UMODL1: variants seen among roughly 807,000 people sequenced by gnomAD.
UMODL1 encodes uromodulin-like 1.
Under a neutral mutation model 136.3 loss-of-function variants are expected in UMODL1, and 128 were observed. The observed-to-expected ratio is 0.94, with a 90% CI of 0.81 to 1.09. The LOEUF is 1.09. Among genes scored for constraint, UMODL1 ranks in the 50% least tolerant of loss-of-function variants. The probability of loss-of-function intolerance (pLI) is 0.00; values close to 1 mark genes in which losing one functional copy is unlikely to be tolerated. For synonymous variants in UMODL1, 721 were observed against 720.0 expected (o/e 1.00, Z -0.02); for missense variants, 1,766 against 1,725.6 (o/e 1.02, Z -0.41).
chr21:42,076,259 G>C lies in UMODL1; in HGVS notation c.319+12G>C, dbSNP rs2066290376. ...CTACTGTGTCTTGCGTGAGTCCAGGGCTGCTGGGCTGGGGCGGGGCCACCC... is the reference window on the plus strand; with the variant it reads ...CTACTGTGTCTTGCGTGAGTCCAGGCCTGCTGGGCTGGGGCGGGGCCACCC... On this transcript the variant is annotated intron_variant, in intron 2 of 22. Transcript: ENST00000408910. 1 of 1,613,046 alleles carries C rather than the reference G, an allele frequency of 6.2e-7. No individual in the cohort carries two copies. The highest frequency in any genetic ancestry group is 1.7e-5 in the Admixed American group (1 of 60,002).
chr21:42,076,250 G>C lies in UMODL1; in HGVS notation c.319+3G>C, dbSNP rs1195762924. 2.5e-6 allele frequency: 4 copies of C among 1,614,164 alleles called. No homozygotes were observed. The highest frequency in any genetic ancestry group is 3.4e-6 in the Non-Finnish European group (4 of 1,179,998). On this transcript the variant is annotated splice_donor_region_variant and intron_variant, in intron 2 of 22. Transcript: ENST00000408910. Reference sequence around the variant, plus strand: ...GCTCGGCCTCTACTGTGTCTTGCGTGAGTCCAGGGCTGCTGGGCTGGGGCG... The same window carrying C: ...GCTCGGCCTCTACTGTGTCTTGCGTCAGTCCAGGGCTGCTGGGCTGGGGCG...
chr21:42,130,415 CCAT>C, intron 21 of UMODL1, among the ~76,000 whole-genome samples: 1 of 151,896 alleles, frequency 6.6e-6, no homozygotes, highest in Non-Finnish European at 1.5e-5. Context: ...TCTATATGGT[CCAT>C]CATCTTATTT....
intron 21 of UMODL1, among the ~76,000 whole-genome samples, chr21:42,132,424 G>C (rs1269976528): frequency 6.7e-6 from 1 of 148,806 alleles, no homozygotes; most frequent in Admixed American, 6.7e-5. Flanking sequence ...ACATTCATCT[G>C]TCATCCATCC....
chr21:42,087,162 A>G (rs564636908), intron 4 of UMODL1, among the ~76,000 whole-genome samples: 1 of 152,084 alleles, frequency 6.6e-6, no homozygotes, highest in Non-Finnish European at 1.5e-5. Flanking sequence ...TGTAGGTTTC[A>G]TGTCTCCAAC....
intron 1 of UMODL1, among the ~76,000 whole-genome samples, chr21:42,065,881 C>T (rs1051225247): frequency 1.3e-5 from 2 of 152,156 alleles, no homozygotes; most frequent in Non-Finnish European, 2.9e-5. Context: ...AGTCAGGACA[C>T]CAGGCCTGGC....
At chr21:42,140,000 A>AGTCT (rs767412372) in intron 22 of UMODL1, among the ~76,000 whole-genome samples, 25 of 152,304 alleles carry the variant, frequency 1.6e-4, no homozygotes, top group Non-Finnish European at 1.6e-4. Context: ...CGTGTGCTGT[A>AGTCT]GTCTGGGCTT....
chr21:42,070,834 T>G (rs944024451), upstream of UMODL1, among the ~76,000 whole-genome samples: 1 of 152,226 alleles, frequency 6.6e-6, no homozygotes, highest in Non-Finnish European at 1.5e-5. Flanking sequence ...ACTTTTGAAG[T>G]GCATTGTGGA....
intron 6 of UMODL1, among the ~76,000 whole-genome samples, chr21:42,091,606 T>C (rs2066493181): frequency 6.6e-6 from 1 of 152,220 alleles, no homozygotes; most frequent in Non-Finnish European, 1.5e-5. Flanking sequence ...TGGAACTTAT[T>C]GATTAATTCA....
At chr21:42,091,010 A>G (rs922157569) in intron 6 of UMODL1, among the ~76,000 whole-genome samples, 1 of 152,168 alleles carries the variant, frequency 6.6e-6, no homozygotes, top group Non-Finnish European at 1.5e-5. Context: ...TAAAGGCTGG[A>G]TGGTCTTCAG....
At chr21:42,110,253 G>A (rs1004692120) in intron 10 of UMODL1, among the ~76,000 whole-genome samples, 8 of 152,234 alleles carry the variant, frequency 5.3e-5, no homozygotes, top group African/African-American at 1.7e-4. Context: ...AGGAGGCCAC[G>A]TAGGGACCTA....
intron 12 of UMODL1, 103 bp from the exon 13 acceptor site, chr21:42,113,470 C>T (rs1569164791): frequency 2.8e-6 from 4 of 1,430,396 alleles, no homozygotes; most frequent in East Asian, 2.3e-5. Flanking sequence ...GCAAATCGCT[C>T]ATGTCCCCAT....
intron 13 of UMODL1, among the ~76,000 whole-genome samples, chr21:42,115,242 T>A (rs150357931): frequency 6.9e-4 from 105 of 152,332 alleles, no homozygotes; most frequent in Admixed American, 7.8e-4. Flanking sequence ...CAGGATGGGA[T>A]GGCGACATTC....
intron 12 of UMODL1, among the ~76,000 whole-genome samples, chr21:42,112,012 G>A (rs1231862838): frequency 2.0e-5 from 3 of 152,152 alleles, no homozygotes; most frequent in Admixed American, 6.5e-5. Context: ...TACTTGTCGC[G>A]TTAGGTGCTG....
intron 17 of UMODL1, among the ~76,000 whole-genome samples, chr21:42,124,561 A>G (rs924573659): frequency 2.0e-5 from 3 of 152,058 alleles, no homozygotes; most frequent in African/African-American, 7.2e-5. Context: ...GGAAGGGTGG[A>G]CACTCATGGG....
chr21:42,093,843 A>G (rs1030197364), intron 6 of UMODL1: 5 of 455,056 alleles, frequency 1.1e-5, no homozygotes, highest in Non-Finnish European at 2.2e-5. Flanking sequence ...TGCCAGCAAA[A>G]CACTGAGAAC....
chr21:42,109,690 G>T lies in UMODL1; in HGVS notation c.1648G>T (p.Ala550Ser). The T allele has an allele frequency of 6.2e-7, 1 of 1,603,028 alleles. No homozygotes were observed. Among genetic ancestry groups the T allele is most frequent in the South Asian group, 1.1e-5 (1 of 91,062 alleles). Residue 550 changes from alanine to serine, a missense_variant, in exon 10 of 23, where the codon GCC (alanine) becomes TCC (serine). Transcript: ENST00000408910. ...RDATPSRAGR[A>S]CEGDLVSPMG... ...CGCCACCCCCTCCCGCGCAGGCCGG[G>T]CCTGTGAGGGTACGTGTCGACCCCC... is the stretch of plus-strand genomic sequence containing the variant.
At position 42,122,814 on chromosome 21, in the gene UMODL1, C is replaced by T. The variant is rs185865290; in HGVS notation, c.2828-17C>T. 1.8e-3 allele frequency: 2,792 copies of T among 1,568,046 alleles called. 12 individuals carry two copies. The highest frequency in any genetic ancestry group is 2.0e-3 in the Admixed American group (112 of 54,930). On this transcript the variant is annotated splice_polypyrimidine_tract_variant and intron_variant, in intron 16 of 22. Transcript: ENST00000408910. The surrounding 1 kb of genome is among the most constrained non-coding windows in gnomAD (Gnocchi z 4.3). ...ACACAGAGCCACTCTTTGCCTTTTC[C>T]TCCTTGTGCCTTGCAGGTGACTCTC...
chr21:42,121,135 C>A lies in UMODL1; in HGVS notation c.2738C>A (p.Ser913Tyr). 1 of 1,614,124 alleles carries A rather than the reference C, an allele frequency of 6.2e-7. No homozygotes were observed. The highest frequency in any genetic ancestry group is 8.5e-7 in the Non-Finnish European group (1 of 1,180,006). Residue 913 changes from serine to tyrosine, a missense_variant, in exon 16 of 23, where the codon TCC becomes TAC. Physicochemically the swap from Ser to Tyr is moderately radical, Grantham distance 144. Coordinates refer to ENST00000408910, the MANE Select transcript of UMODL1 (RefSeq NM_001004416.3). Reference protein sequence around the residue: ...RKEDDCVPGTSCRNTLGSFTC... With the variant: ...RKEDDCVPGTYCRNTLGSFTC... ...GAGGACGACTGTGTGCCGGGGACAT[C>A]CTGTCGAAACACCCTCGGGTCTTTC...
At chr21:42,107,274 G>A (rs1712971811) in intron 9 of UMODL1, among the ~76,000 whole-genome samples, 1 of 152,136 alleles carries the variant, frequency 6.6e-6, no homozygotes, top group Non-Finnish European at 1.5e-5. Context: ...TTAGCCAGAG[G>A]AGCAGGACTC....
Sources: gnomAD v4.1 joint callset for allele counts (sites outside exome capture counted in the v4.1 genomes callset) on GRCh38, gnomAD v4.1.1 for gene constraint, Gnocchi (gnomAD v3.1) non-coding constraint, MANE v1.5 for transcripts, NCBI Gene and HGNC (gene_info 2026-07-23, HGNC 2026-07-21) for gene names.